Variants in NODAL observed in about 807,000 individuals in gnomAD.
NODAL encodes the protein nodal homolog.
In NODAL, 12 loss-of-function variants were observed where a neutral mutation model predicts 34.0. The observed-to-expected ratio is 0.35, with a 90% CI of 0.23 to 0.57. The LOEUF (loss-of-function observed/expected upper bound fraction) is 0.57. NODAL is among the 20% of genes least tolerant of loss of function. The probability of loss-of-function intolerance (pLI) is 0.83; values close to 1 mark genes in which losing one functional copy is unlikely to be tolerated. For missense variants in NODAL, 390 were observed against 444.2 expected, an observed-to-expected ratio of 0.88 and a Z score of 1.10; for synonymous variants, 162 against 186.4, an observed-to-expected ratio of 0.87 and a Z score of 1.07.
upstream of NODAL, among the ~76,000 whole-genome samples, chr10:70,442,132 A>C (rs1043854845): frequency 3.3e-5 from 5 of 152,226 alleles, no homozygotes; most frequent in Non-Finnish European, 7.3e-5. Flanking sequence ...GCTCTCAGGC[A>C]GACTTTGACA....
chr10:70,445,897 T>A (rs1277587773), upstream of NODAL, among the ~76,000 whole-genome samples: 1 of 152,268 alleles, frequency 6.6e-6, no homozygotes, highest in East Asian at 1.9e-4. Flanking sequence ...TCATTTCTGA[T>A]GTGTATTGGC....
chr10:70,439,316 G>T lies in NODAL; in HGVS notation c.193+2159C>A, dbSNP rs75688867. ...TGTGCCCGGCCCCACCTCCAGTTCT[G>T]AAGAAGAAAGTGGCTCACACCCTTG... On this transcript the variant is annotated intron_variant, in intron 1 of 2. Transcript: ENST00000287139. Among the ~76,000 whole-genome samples the T allele has an allele frequency of 5.0e-3, 768 of 152,230 alleles. 16 individuals carry two copies. The highest frequency in any genetic ancestry group is 0.034 in the East Asian group (174 of 5,166).
upstream of NODAL, chr10:70,441,777 AC>A: frequency 2.6e-6 from 3 of 1,162,664 alleles, no homozygotes; most frequent in Non-Finnish European, 2.5e-6. Flanking sequence ...AGATCATATA[AC>A]CCCCCTCCGG....
chr10:70,432,152 A>G lies in NODAL; in HGVS notation c.*784T>C, dbSNP rs2132211504. Among the ~76,000 whole-genome samples, 1 of 152,394 alleles carries G rather than the reference A, an allele frequency of 6.6e-6. No homozygotes were observed. Among genetic ancestry groups the G allele is most frequent in the East Asian group, 1.9e-4 (1 of 5,188 alleles). ...TAGGAAGCTCAGAGGCCTCATTAAT[A>G]GCACACATTGAGAGACTGAGGTGGA... is the stretch of plus-strand genomic sequence containing the variant. On this transcript the variant is annotated 3_prime_UTR_variant, in exon 3 of 3. Coordinates refer to ENST00000287139, the MANE Select transcript of NODAL (RefSeq NM_018055.5).
At chr10:70,441,997 A>T (rs982423837), upstream of NODAL, among the ~76,000 whole-genome samples, 1 of 152,148 alleles carries the variant, frequency 6.6e-6, no homozygotes, top group Non-Finnish European at 1.5e-5. Context: ...GCAGATTCCC[A>T]GGTCAGAACT....
intron 1 of NODAL, among the ~76,000 whole-genome samples, chr10:70,439,090 C>CA (rs1413884902): frequency 1.3e-5 from 2 of 152,076 alleles, no homozygotes; most frequent in Non-Finnish European, 2.9e-5. Flanking sequence ...CTGCAGCCTC[C>CA]ACCTCCTGGG....
At chr10:70,436,076 C>G (rs1045912729) in intron 1 of NODAL, 93 bp from the exon 2 acceptor site, 18 of 1,059,570 alleles carry the variant, frequency 1.7e-5, no homozygotes, top group Admixed American at 1.8e-5. Context: ...TTGCTGGAGG[C>G]CTTACCTTAT....
At chr10:70,438,979 A>G (rs1251074793) in intron 1 of NODAL, among the ~76,000 whole-genome samples, 1 of 152,202 alleles carries the variant, frequency 6.6e-6, no homozygotes. Context: ...TTAGCCACAC[A>G]GATGCCCCTG....
Position 70,432,784 on chromosome 10 carries a change from C to T in NODAL, c.*152G>A, listed in dbSNP as rs553221767. On this transcript the variant is annotated 3_prime_UTR_variant, in exon 3 of 3. Transcript: ENST00000287139. ...CAGACTCCACTGAGCCCTTCATTTA[C>T]AGAGTGGGCAGCCCCTCCTCTTCAG... 1.2e-6 allele frequency: 1 copy of T among 840,128 alleles called. No homozygotes were observed. The highest frequency in any genetic ancestry group is 1.4e-5 in the South Asian group (1 of 70,712). 52.0% of individuals were successfully genotyped at this position (840,128 alleles called of 1,614,324 possible).
intron 1 of NODAL, among the ~76,000 whole-genome samples, chr10:70,440,736 G>A (rs1845420045): frequency 6.6e-6 from 1 of 152,164 alleles, no homozygotes; most frequent in Non-Finnish European, 1.5e-5. Context: ...CCACTCCCCT[G>A]CAAATCATGG....
chr10:70,438,233 G>A (rs779596706), intron 1 of NODAL, among the ~76,000 whole-genome samples: 1 of 152,210 alleles, frequency 6.6e-6, no homozygotes, highest in East Asian at 1.9e-4. Flanking sequence ...GGTGGAGGTT[G>A]CAGTGAGCTG....
rs71472966 is a variant in NODAL at position 70,436,558 on chromosome 10, C to CAAA, written c.194-578_194-576dup. ...GCACAACAAGAGTGAAACTCTGTCTCAAAAAAAAAAAAAAAAAAGAGTGAC... is the reference window on the plus strand; with the variant it reads ...GCACAACAAGAGTGAAACTCTGTCTCAAAAAAAAAAAAAAAAAAAAAGAGTGAC... On this transcript the variant is annotated intron_variant, in intron 1 of 2. Coordinates refer to ENST00000287139, the MANE Select transcript of NODAL (RefSeq NM_018055.5). 2.2e-3 allele frequency: 211 copies of CAAA among 96,808 alleles called. 7 individuals are homozygous for CAAA. Among genetic ancestry groups the CAAA allele is most frequent in the South Asian group, 0.018 (46 of 2,528 alleles). The allele number at this position is 96,808 out of a possible 1,614,324, so 6.0% of individuals were successfully genotyped here. A position where few individuals can be genotyped will look rare whatever the true frequency, so the allele number is the denominator to read the frequency against.
chr10:70,441,795 G>C (rs183994545), upstream of NODAL: 2 of 1,010,906 alleles, frequency 2.0e-6, no homozygotes, highest in African/African-American at 1.6e-5. Context: ...CCGGAGGGTG[G>C]GGGGCAGAGA....
At position 70,435,295 on chromosome 10, in the gene NODAL, T is replaced by C. The variant is rs1257890399; in HGVS notation, c.882A>G (p.Ala294=). The part of the protein sequence containing the change: ...VGEEFHPTNH[A]YIQSLLKRYQ... ...ACGCCTGGCATCCCACCTGGATGTA[T>C]GCATGGTTGGTCGGATGAAACTCCT... The change falls in exon 2 of 3, where the codon GCA becomes GCG. Residue 294 remains alanine (A), a synonymous_variant. Coordinates refer to ENST00000287139, the MANE Select transcript of NODAL (RefSeq NM_018055.5). 2 of 1,610,154 alleles carry C rather than the reference T, an allele frequency of 1.2e-6. No individual in the cohort carries two copies. The highest frequency in any genetic ancestry group is 1.7e-6 in the Non-Finnish European group (2 of 1,178,180).
upstream of NODAL, among the ~76,000 whole-genome samples, chr10:70,442,179 G>C (rs1345283737): frequency 6.6e-6 from 1 of 152,238 alleles, no homozygotes; most frequent in Non-Finnish European, 1.5e-5. Flanking sequence ...CCACTGTCTA[G>C]ATGGCCTCGG....
chr10:70,438,786 T>C (rs1845387639), intron 1 of NODAL, among the ~76,000 whole-genome samples: 1 of 152,200 alleles, frequency 6.6e-6, no homozygotes, highest in Non-Finnish European at 1.5e-5. Context: ...ACAGGGCTGA[T>C]AGGTTCTCTG....
In NODAL at chr10:70,432,874, T is replaced by A. The variant is rs76889088; in HGVS notation, c.*62A>T. On this transcript the variant is annotated 3_prime_UTR_variant, in exon 3 of 3. Transcript: ENST00000287139. ...CTTACTGGATTAGATGGTTATCATGTCTTCCAGGAGTTTCCCAGCCTTCCA... is the reference window on the plus strand; with the variant it reads ...CTTACTGGATTAGATGGTTATCATGACTTCCAGGAGTTTCCCAGCCTTCCA... 1.9e-3 allele frequency: 3,013 copies of A among 1,590,554 alleles called. 46 individuals carry two copies. In the African/African-American group the frequency reaches 0.037, roughly 19 times the overall value.
chr10:70,439,450 C>T (rs1480710545), intron 1 of NODAL, among the ~76,000 whole-genome samples: 1 of 152,210 alleles, frequency 6.6e-6, no homozygotes, highest in African/African-American at 2.4e-5. Flanking sequence ...TTATAAGGGT[C>T]GTTACCATCA....
At chr10:70,436,586 GT>G (rs1195036211) in intron 1 of NODAL, 2 of 148,104 alleles carry the variant, frequency 1.4e-5, no homozygotes, top group African/African-American at 5.1e-5. Flanking sequence ...AGAGTGACTT[GT>G]TTTACAGACA....
Sources: allele counts gnomAD v4.1 joint callset (sites outside exome capture counted in the v4.1 genomes callset), GRCh38; gene constraint gnomAD v4.1.1; transcripts MANE v1.5; gene names NCBI Gene and HGNC (gene_info 2026-07-23, HGNC 2026-07-21).